ZDHHC11: variants seen among roughly 807,000 people sequenced by gnomAD.
ZDHHC11 encodes palmitoyltransferase ZDHHC11.
In ZDHHC11, 44 loss-of-function variants were observed where a neutral mutation model predicts 51.3. The observed-to-expected ratio is 0.86, with a 90% confidence interval of 0.67 to 1.10. The LOEUF (loss-of-function observed/expected upper bound fraction) is 1.10. Among genes scored for constraint, ZDHHC11 ranks in the 50% least tolerant of loss-of-function variants. The probability of loss-of-function intolerance (pLI) is 0.00; values close to 1 mark genes in which losing one functional copy is unlikely to be tolerated. For missense variants in ZDHHC11, 400 were observed against 537.7 expected, an observed-to-expected ratio of 0.74 and a Z score of 2.53; for synonymous variants, 163 against 222.0, an observed-to-expected ratio of 0.73 and a Z score of 2.36.
At chr5:833,271 C>T in intron 7 of ZDHHC11, among the ~76,000 whole-genome samples, 1 of 152,170 alleles carries the variant, frequency 6.6e-6, no homozygotes, top group Non-Finnish European at 1.5e-5. Context: ...CTGCACAGCA[C>T]TAGCTCCAAG....
intron 11 of ZDHHC11, among the ~76,000 whole-genome samples, chr5:803,529 T>C (rs1322472354): frequency 1.3e-5 from 2 of 151,250 alleles, no homozygotes; most frequent in African/African-American, 4.9e-5. Context: ...GAGAAGCACT[T>C]GATTTTTAGA....
rs190211524 is a variant in ZDHHC11, at chr5:805,446, T to A, written c.1182-4282A>T. Among the ~76,000 whole-genome samples the A allele has an allele frequency of 2.1e-4, 32 of 151,150 alleles. 1 individual carries two copies. Among genetic ancestry groups the A allele is most frequent in the South Asian group, 6.3e-4 (3 of 4,776 alleles). On this transcript the variant is annotated intron_variant, in intron 11 of 12. Coordinates refer to ENST00000283441, the MANE Select transcript of ZDHHC11 (RefSeq NM_024786.3). ...GTCCTGTCTCAAAAAAAAATCTACATTGGTATTCAAACTAGGGTGTTATAC... is the reference window on the plus strand; with the variant it reads ...GTCCTGTCTCAAAAAAAAATCTACAATGGTATTCAAACTAGGGTGTTATAC...
intron 5 of ZDHHC11, 35 bp downstream of exon 5, chr5:840,460 T>A: frequency 1.9e-6 from 3 of 1,611,968 alleles, no homozygotes; most frequent in Non-Finnish European, 2.5e-6. Flanking sequence ...CCACCCAGCC[T>A]TGGGGGGATC....
At chr5:848,749 G>A (rs1746654561) in intron 1 of ZDHHC11, 89 bp from the exon 2 acceptor site, 1 of 1,542,494 alleles carries the variant, frequency 6.5e-7, no homozygotes, top group Non-Finnish European at 8.7e-7. Context: ...AAGAGGCGTG[G>A]CCGCTGGTCA....
rs1579666457 is a variant in ZDHHC11 at position 828,873 on chromosome 5, G to C, written c.936-3622C>G. ...ACCCATGAAATTACACAAATATGTA[G>C]AAATTAAATAACTGCTTCTGAATGA... is the stretch of plus-strand genomic sequence containing the variant. On this transcript the variant is annotated intron_variant, in intron 7 of 12. Transcript: ENST00000283441. Among the ~76,000 whole-genome samples the C allele has an allele frequency of 2.2e-5, 3 of 136,810 alleles. No homozygotes were observed. In the South Asian group the frequency reaches 7.2e-4, roughly 33 times the overall value. The allele number at this position is 136,810 out of a possible 152,430, so 89.8% of individuals were successfully genotyped here.
intron 8 of ZDHHC11, among the ~76,000 whole-genome samples, chr5:824,890 G>A (rs1193448629): frequency 6.6e-6 from 1 of 151,376 alleles, no homozygotes; most frequent in East Asian, 1.9e-4. Context: ...TTGGGCATCT[G>A]CCCATCACCA....
chr5:844,206 C>G (rs1463624446), intron 3 of ZDHHC11, among the ~76,000 whole-genome samples: 1 of 152,290 alleles, frequency 6.6e-6, no homozygotes, highest in Non-Finnish European at 1.5e-5. Flanking sequence ...GTGACGCCCC[C>G]CCAGGTCTCC....
chr5:856,055 G>A (rs1289541708), intron 1 of ZDHHC11, among the ~76,000 whole-genome samples: 1 of 152,106 alleles, frequency 6.6e-6, no homozygotes, highest in Non-Finnish European at 1.5e-5. Flanking sequence ...ACATCAGCCA[G>A]AGAAGACTCC....
chr5:836,502 C>T (rs1743876099), intron 6 of ZDHHC11, among the ~76,000 whole-genome samples: 1 of 150,138 alleles, frequency 6.7e-6, no homozygotes, highest in African/African-American at 2.5e-5. Flanking sequence ...AGTGGCATTG[C>T]TGAATGAGTT....
chr5:816,906 A>AT, intron 10 of ZDHHC11: 1 of 425,664 alleles, frequency 2.3e-6, no homozygotes. Context: ...CTATGGCTGA[A>AT]TTTTTCTGAC....
At chr5:803,491 C>T (rs1182721792) in intron 11 of ZDHHC11, among the ~76,000 whole-genome samples, 1 of 151,306 alleles carries the variant, frequency 6.6e-6, no homozygotes, top group Non-Finnish European at 1.5e-5. Context: ...CAGCCTTTAA[C>T]AAGAGAAAAT....
At chr5:847,440 C>G (rs1326271195) in intron 3 of ZDHHC11, 74 bp downstream of exon 3, 1 of 1,550,248 alleles carries the variant, frequency 6.5e-7, no homozygotes, top group Non-Finnish European at 8.8e-7. Context: ...CACGATGACC[C>G]CTGCCCACAG....
At chr5:844,493 G>A (rs1243234946) in intron 3 of ZDHHC11, among the ~76,000 whole-genome samples, 16 of 152,394 alleles carry the variant, frequency 1.0e-4, no homozygotes, top group Non-Finnish European at 1.8e-4. Flanking sequence ...TCCACCTGAT[G>A]CAGACAGGCC....
chr5:837,621 C>G, intron 5 of ZDHHC11, 141 bp from the exon 6 acceptor site: 1 of 907,822 alleles, frequency 1.1e-6, no homozygotes. Context: ...CATGCAGGCC[C>G]TGTGAGGTCA....
At chr5:840,745 G>A (rs1399821071) in intron 4 of ZDHHC11, 95 bp from the exon 5 acceptor site, 23 of 1,584,752 alleles carry the variant, frequency 1.5e-5, no homozygotes, top group South Asian at 1.0e-4. Flanking sequence ...GGGATGGGGC[G>A]GTGTGGGGAC....
intron 5 of ZDHHC11, chr5:839,691 C>T (rs1744452651): frequency 6.6e-6 from 1 of 152,636 alleles, no homozygotes; most frequent in African/African-American, 2.4e-5. Flanking sequence ...AGGGGATGCT[C>T]TGGAGATGGA....
intron 11 of ZDHHC11, among the ~76,000 whole-genome samples, chr5:801,517 T>C (rs1738417642): frequency 6.6e-6 from 1 of 151,752 alleles, no homozygotes; most frequent in Admixed American, 6.6e-5. Flanking sequence ...TCATGCCTGG[T>C]ACCTTCTTCT....
At chr5:809,349 C>T (rs1411619283) in intron 11 of ZDHHC11, among the ~76,000 whole-genome samples, 1 of 142,116 alleles carries the variant, frequency 7.0e-6, no homozygotes, top group Non-Finnish European at 1.5e-5. Flanking sequence ...TCCCCAGATT[C>T]ACAGGCTGAA....
rs186547393 is a variant in ZDHHC11 at position 802,791 on chromosome 5, G to A, written c.1182-1627C>T. On this transcript the variant is annotated intron_variant, in intron 11 of 12. Coordinates refer to ENST00000283441, the MANE Select transcript of ZDHHC11 (RefSeq NM_024786.3). ...GATCGAGACCATCCTGGCTAACATG[G>A]TGAAACTCTGTCTCTACTAAAAATA... is the stretch of plus-strand genomic sequence containing the variant. Among the ~76,000 whole-genome samples the A allele has an allele frequency of 1.2e-3, 134 of 114,256 alleles. No individual in the cohort carries two copies. In the East Asian group the frequency reaches 0.034, roughly 29 times the overall value. 75.0% of individuals were successfully genotyped at this position (114,256 alleles called of 152,430 possible). A position where few individuals can be genotyped will look rare whatever the true frequency, so the allele number is the denominator to read the frequency against.
Sources: gnomAD v4.1 joint callset for allele counts (sites outside exome capture counted in the v4.1 genomes callset) on GRCh38, gnomAD v4.1.1 for gene constraint, MANE v1.5 for transcripts, NCBI Gene and HGNC (gene_info 2026-07-23, HGNC 2026-07-21) for gene names.